FAM53A: variants seen among roughly 807,000 people sequenced by gnomAD.
The protein encoded by FAM53A is protein FAM53A.
In FAM53A, 28 loss-of-function variants were observed where a neutral mutation model predicts 26.6. The observed-to-expected ratio is 1.05, with a 90% CI of 0.78 to 1.45. The LOEUF is 1.45. Among genes scored for constraint, FAM53A ranks in the 40% most tolerant of loss-of-function variants. The pLI, the probability that FAM53A is intolerant of heterozygous loss-of-function variation, is 0.00. For synonymous variants in FAM53A, 290 were observed against 253.1 expected, an observed-to-expected ratio of 1.15 and a Z score of -1.38; for missense variants, 650 against 575.8, an observed-to-expected ratio of 1.13 and a Z score of -1.32.
chr4:1,650,213 A>G (rs62287691), intron 4 of FAM53A, among the ~76,000 whole-genome samples: 1,117 of 84,070 alleles, frequency 0.013, 21 homozygotes, highest in African/African-American at 0.049. Flanking sequence ...CAGGCGTGAC[A>G]TTTGACTGTG....
the FAM53A span, among the ~76,000 whole-genome samples, chr4:1,611,379 T>C: frequency 3.9e-5 from 6 of 152,166 alleles, no homozygotes; most frequent in Non-Finnish European, 5.9e-5. Context: ...CCTCCTGGCC[T>C]GTCCTGGAGA....
chr4:1,655,382 T>TGGCACTCCCGCCGCTGTCGCAC lies in FAM53A; in HGVS notation c.456_477dup (p.Thr160ValfsTer125). 2 of 1,449,942 alleles carry TGGCACTCCCGCCGCTGTCGCAC rather than the reference T, an allele frequency of 1.4e-6. No homozygotes were observed. Among genetic ancestry groups the TGGCACTCCCGCCGCTGTCGCAC allele is most frequent in the Non-Finnish European group, 1.8e-6 (2 of 1,101,860 alleles). 89.8% of individuals were successfully genotyped at this position (1,449,942 alleles called of 1,614,324 possible). On this transcript the variant is annotated frameshift_variant, in exon 4 of 5. Coordinates refer to ENST00000308132, the MANE Select transcript of FAM53A (RefSeq NM_001174070.3). LOFTEE classifies it high-confidence loss of function. ...ACGGCGCCGGGGCTTCCCTGCCGCG[T>TGGCACTCCCGCCGCTGTCGCAC]GGCACTCCCGCCGCTGTCGCACCGC...
intron 2 of FAM53A, among the ~76,000 whole-genome samples, chr4:1,667,127 C>CAAAA (rs570780273): frequency 3.8e-4 from 50 of 130,216 alleles, no homozygotes; most frequent in South Asian, 2.0e-3. Flanking sequence ...GACTCCATCT[C>CAAAA]AAAAAAAAAA....
chr4:1,681,181 C>A (rs1715409975), intron 1 of FAM53A, among the ~76,000 whole-genome samples: 1 of 152,198 alleles, frequency 6.6e-6, no homozygotes, highest in African/African-American at 2.4e-5. Flanking sequence ...ACTGCAACCT[C>A]AGCCTCCCGA....
chr4:1,660,353 T>G (rs986540087), intron 2 of FAM53A, among the ~76,000 whole-genome samples: 4 of 120,192 alleles, frequency 3.3e-5, no homozygotes, highest in African/African-American at 4.2e-5. Context: ...ATCCCAGCAC[T>G]GTGGGGGCTG....
chr4:1,598,398 G>C, the FAM53A span, among the ~76,000 whole-genome samples: 1 of 152,194 alleles, frequency 6.6e-6, no homozygotes, highest in South Asian at 2.1e-4. Flanking sequence ...CCCCACTCTG[G>C]TTGAGGGGCT....
chr4:1,633,848 T>A (rs529331848), intron 1 of FAM53A, among the ~76,000 whole-genome samples: 62 of 149,648 alleles, frequency 4.1e-4, no homozygotes, highest in East Asian at 1.6e-3. Context: ...AAAGAGGTTT[T>A]AAAAAAAAAA....
At chr4:1,638,127 G>A (rs1404887967), downstream of FAM53A, among the ~76,000 whole-genome samples, 2 of 151,964 alleles carry the variant, frequency 1.3e-5, no homozygotes, top group Non-Finnish European at 2.9e-5. Flanking sequence ...CAACCCCCAA[G>A]GCTGCCCCCG....
chr4:1,652,823 A>G (rs1417938581), intron 4 of FAM53A, among the ~76,000 whole-genome samples: 1 of 141,274 alleles, frequency 7.1e-6, no homozygotes, highest in Non-Finnish European at 1.5e-5. Context: ...ACCACATACT[A>G]CCCACCACAC....
At chr4:1,599,167 C>G in the FAM53A span, among the ~76,000 whole-genome samples, 2 of 149,580 alleles carry the variant, frequency 1.3e-5, no homozygotes, top group Admixed American at 6.6e-5. This position sits in a 1 kb window ranked among gnomAD's most constrained non-coding sequence, Gnocchi z 6.1. Flanking sequence ...AGCTCAGGGC[C>G]GTCGGCTCCA....
chr4:1,637,327 G>A (rs866945127), downstream of FAM53A, among the ~76,000 whole-genome samples: 4 of 152,224 alleles, frequency 2.6e-5, no homozygotes, highest in Admixed American at 6.5e-5. Context: ...CACGCTGCCA[G>A]GGAGGCTCCC....
chr4:1,609,143 G>A, the FAM53A span, among the ~76,000 whole-genome samples: 5 of 152,052 alleles, frequency 3.3e-5, no homozygotes, highest in Admixed American at 6.5e-5. Flanking sequence ...CAGAGTTGTC[G>A]CTGGTCTCAG....
the FAM53A span, among the ~76,000 whole-genome samples, chr4:1,594,726 C>T: frequency 6.6e-6 from 1 of 152,052 alleles, no homozygotes; most frequent in Non-Finnish European, 1.5e-5. Flanking sequence ...ACATGTAGTC[C>T]CAGCTACTCA....
chr4:1,599,896 C>T, the FAM53A span, among the ~76,000 whole-genome samples: 3 of 152,164 alleles, frequency 2.0e-5, no homozygotes, highest in African/African-American at 7.2e-5. This position sits in a 1 kb window ranked among gnomAD's most constrained non-coding sequence, Gnocchi z 6.1. Flanking sequence ...GGCGCTGTGG[C>T]GGTCCCTTGG....
In FAM53A at chr4:1,655,389, C is replaced by T; in HGVS notation, c.471G>A (p.Gly157=). 1 of 1,460,054 alleles carries T rather than the reference C, an allele frequency of 6.8e-7. No individual in the cohort carries two copies. The highest frequency in any genetic ancestry group is 1.4e-5 in the South Asian group (1 of 69,634). 90.4% of individuals were successfully genotyped at this position (1,460,054 alleles called of 1,614,324 possible). Residue 157 remains glycine (G), a synonymous_variant, in exon 4 of 5, where the codon GGG becomes GGA. Coordinates refer to ENST00000308132, the MANE Select transcript of FAM53A (RefSeq NM_001174070.3). ...PVSKRRCDSG[G]SATRQGSPGA... The stretch of plus-strand genomic sequence containing the variant: ...CGGGGCTTCCCTGCCGCGTGGCACT[C>T]CCGCCGCTGTCGCACCGCCTCTTGG...
At chr4:1,657,496 G>T in intron 2 of FAM53A, 28 bp from the exon 3 acceptor site, 1 of 1,603,414 alleles carries the variant, frequency 6.2e-7, no homozygotes, top group Non-Finnish European at 8.5e-7. Context: ...TTTCAATACT[G>T]TGACTGACAC....
At chr4:1,579,902 T>G in the FAM53A span, among the ~76,000 whole-genome samples, 18 of 152,312 alleles carry the variant, frequency 1.2e-4, no homozygotes, top group African/African-American at 4.1e-4. Flanking sequence ...CAGCCGCTCC[T>G]GCAGCCGGAA....
chr4:1,681,219 C>T (rs1051649746), intron 1 of FAM53A, among the ~76,000 whole-genome samples: 15 of 152,302 alleles, frequency 9.8e-5, no homozygotes, highest in Admixed American at 8.5e-4. Context: ...ACGTCAGCCT[C>T]CCAAGTAGCG....
chr4:1,600,896 C>A, the FAM53A span, among the ~76,000 whole-genome samples: 11 of 152,312 alleles, frequency 7.2e-5, no homozygotes, highest in African/African-American at 2.6e-4. Context: ...TCGGAGGAGA[C>A]GGCTCCTGTC....
Sources: gnomAD v4.1 joint callset for allele counts (sites outside exome capture counted in the v4.1 genomes callset) on GRCh38, gnomAD v4.1.1 for gene constraint, Gnocchi (gnomAD v3.1) non-coding constraint, MANE v1.5 for transcripts, NCBI Gene and HGNC (gene_info 2026-07-23, HGNC 2026-07-21) for gene names.